Variants in ANKRD11 observed in about 807,000 individuals in gnomAD.
The protein encoded by ANKRD11 is ankyrin repeat domain 11, also known as ankyrin repeat domain-containing protein 11.
Under a neutral mutation model 195.7 loss-of-function variants are expected in ANKRD11, and 17 were observed. The ratio of observed to expected loss-of-function variants is 0.09; its 90% confidence interval spans 0.06 to 0.13. The LOEUF (loss-of-function observed/expected upper bound fraction) is 0.13, where lower values mean the gene tolerates loss of function less well. ANKRD11 is among the 10% of genes least tolerant of loss of function. The probability of loss-of-function intolerance (pLI) is 1.00; values close to 1 mark genes in which losing one functional copy is unlikely to be tolerated. For synonymous variants in ANKRD11, 1,953 were observed against 1,528.1 expected, an observed-to-expected ratio of 1.28 and a Z score of -6.49; for missense variants, 3,735 against 3,566.1, an observed-to-expected ratio of 1.05 and a Z score of -1.21.
chr16:89,293,755 T>G (rs2035234309), intron 4 of ANKRD11, among the ~76,000 whole-genome samples: 2 of 143,408 alleles, frequency 1.4e-5, no homozygotes, highest in Admixed American at 1.4e-4. Context: ...GCTGGGGCGG[T>G]GTTGGGAGGA....
At chr16:89,324,976 G>C (rs1247928390) in intron 2 of ANKRD11, 1 of 164,644 alleles carries the variant, frequency 6.1e-6, no homozygotes, top group Non-Finnish European at 1.3e-5. Context: ...ACAAGTACTG[G>C]TGAAGGGGTG....
intron 1 of ANKRD11, among the ~76,000 whole-genome samples, chr16:89,447,949 C>T (rs1219759648): frequency 6.6e-6 from 1 of 151,996 alleles, no homozygotes; most frequent in African/African-American, 2.4e-5. Flanking sequence ...GGACTACAGG[C>T]GCCCACCACC....
At chr16:89,486,355 C>G (rs1030531027) in intron 1 of ANKRD11, among the ~76,000 whole-genome samples, 1 of 151,536 alleles carries the variant, frequency 6.6e-6, no homozygotes, top group South Asian at 2.1e-4. Context: ...GTGGGAGGAT[C>G]GCTTCAGCTC....
chr16:89,466,301 A>G (rs1420344003), intron 1 of ANKRD11, among the ~76,000 whole-genome samples: 1 of 152,192 alleles, frequency 6.6e-6, no homozygotes, highest in East Asian at 1.9e-4. Context: ...CAATAGGCAA[A>G]TCCAGAGAGA....
intron 2 of ANKRD11, among the ~76,000 whole-genome samples, chr16:89,358,957 C>T (rs550391690): frequency 1.3e-5 from 2 of 152,250 alleles, no homozygotes; most frequent in African/African-American, 4.8e-5. Context: ...TCCAGAGCAG[C>T]TGGGACCACA....
At chr16:89,467,737 G>A (rs562880560) in intron 1 of ANKRD11, among the ~76,000 whole-genome samples, 2 of 152,290 alleles carry the variant, frequency 1.3e-5, no homozygotes, top group East Asian at 3.9e-4. Context: ...GATACCGTAA[G>A]ACATACTGCA....
chr16:89,301,845 G>A (rs890667898), intron 4 of ANKRD11, among the ~76,000 whole-genome samples: 18 of 152,182 alleles, frequency 1.2e-4, no homozygotes, highest in African/African-American at 2.9e-4. Flanking sequence ...ACTGGACCGC[G>A]GGCAGGGCCG....
At chr16:89,413,097 C>G (rs905612837) in intron 2 of ANKRD11, among the ~76,000 whole-genome samples, 8 of 152,182 alleles carry the variant, frequency 5.3e-5, no homozygotes, top group African/African-American at 1.9e-4. Context: ...CGCCGCTCAG[C>G]CACAAGTGCC....
At chr16:89,449,742 G>A (rs977159644) in intron 1 of ANKRD11, among the ~76,000 whole-genome samples, 1 of 152,112 alleles carries the variant, frequency 6.6e-6, no homozygotes, top group African/African-American at 2.4e-5. Context: ...GCAGTGAGCC[G>A]AGATTGTGTC....
Position 89,282,179 on chromosome 16 carries a change from T to C in ANKRD11, c.4363A>G (p.Ile1455Val). Residue 1455 changes from isoleucine (I) to valine (V), a missense_variant, in exon 9 of 13, where the codon ATC becomes GTC. Coordinates refer to ENST00000301030, the MANE Select transcript of ANKRD11 (RefSeq NM_013275.6). ...TCTCTCTTCTTCTTCTCTTTTAGGA[T>C]GTTGATGGCACTAGATCCATAAGGC... ...LKPYGSSAIN[I>V]LKEKKKREKH... 6.2e-7 allele frequency: 1 copy of C among 1,614,124 alleles called. No individual in the cohort carries two copies. Among genetic ancestry groups the C allele is most frequent in the East Asian group, 2.2e-5 (1 of 44,880 alleles).
At chr16:89,274,045 G>C (rs906281671) in intron 11 of ANKRD11, among the ~76,000 whole-genome samples, 2 of 152,326 alleles carry the variant, frequency 1.3e-5, no homozygotes, top group African/African-American at 2.4e-5. Flanking sequence ...GCTGATGCAG[G>C]CGAGGCAACG....
At chr16:89,307,864 C>G (rs1348241158) in intron 3 of ANKRD11, among the ~76,000 whole-genome samples, 1 of 152,288 alleles carries the variant, frequency 6.6e-6, no homozygotes, top group Non-Finnish European at 1.5e-5. Context: ...CACCAGACAT[C>G]TGAAGAGAGG....
intron 2 of ANKRD11, among the ~76,000 whole-genome samples, chr16:89,397,330 C>A (rs1349423047): frequency 6.6e-6 from 1 of 152,222 alleles, no homozygotes; most frequent in Non-Finnish European, 1.5e-5. Context: ...TCCACGGATT[C>A]CACCGTAAGT....
chr16:89,390,779 T>C (rs926172454), intron 2 of ANKRD11, among the ~76,000 whole-genome samples: 1 of 152,106 alleles, frequency 6.6e-6, no homozygotes, highest in East Asian at 1.9e-4. Context: ...CTGGTAATGG[T>C]TGTCTAACTC....
intron 7 of ANKRD11, chr16:89,288,279 C>T (rs928032423): frequency 2.1e-5 from 14 of 663,206 alleles, no homozygotes; most frequent in Non-Finnish European, 3.5e-5. Context: ...CAGACCTACA[C>T]GGCTAGCGGA....
At chr16:89,270,656 G>A (rs1013403335) in intron 12 of ANKRD11, 161 bp downstream of exon 12, 43 of 748,366 alleles carry the variant, frequency 5.7e-5, no homozygotes, top group Admixed American at 2.9e-4. Context: ...TCACCTCCCC[G>A]AAAGCATCGG....
At chr16:89,381,131 C>T (rs1260349952) in intron 2 of ANKRD11, among the ~76,000 whole-genome samples, 23 of 151,854 alleles carry the variant, frequency 1.5e-4, no homozygotes, top group African/African-American at 5.1e-4. Flanking sequence ...GAGACCAGCC[C>T]GGCCAACATG....
intron 2 of ANKRD11, among the ~76,000 whole-genome samples, chr16:89,414,429 C>T (rs1332569644): frequency 2.6e-5 from 4 of 152,166 alleles, no homozygotes; most frequent in African/African-American, 9.7e-5. Context: ...GTCACGCAGC[C>T]GCACCGCCTG....
chr16:89,426,213 C>A (rs890517518), intron 1 of ANKRD11, among the ~76,000 whole-genome samples: 1 of 151,982 alleles, frequency 6.6e-6, no homozygotes, highest in African/African-American at 2.4e-5. Context: ...ACAAAAAAAA[C>A]AAAGGAAGCT....
Sources: allele counts gnomAD v4.1 joint callset (sites outside exome capture counted in the v4.1 genomes callset), GRCh38; gene constraint gnomAD v4.1.1; transcripts MANE v1.5; gene names NCBI Gene and HGNC (gene_info 2026-07-23, HGNC 2026-07-21).